DLGAP2: variants seen among roughly 807,000 people sequenced by gnomAD.
DLGAP2 encodes DLG associated protein 2, also known as disks large-associated protein 2.
A neutral mutation model predicts 100.3 loss-of-function variants in DLGAP2; 26 were observed. The observed-to-expected ratio is 0.26, with a 90% CI of 0.19 to 0.36. The LOEUF (loss-of-function observed/expected upper bound fraction) is 0.36, where lower values mean the gene tolerates loss of function less well. DLGAP2 is among the 10% of genes least tolerant of loss of function. The probability of loss-of-function intolerance (pLI) is 1.00; values close to 1 mark genes in which losing one functional copy is unlikely to be tolerated. For synonymous variants in DLGAP2, 886 were observed against 630.1 expected (o/e 1.41, Z -6.08); for missense variants, 1,858 against 1,453.2 (o/e 1.28, Z -4.53).
Position 1,039,816 on chromosome 8 carries a change from C to A in DLGAP2, c.73+131850C>A, listed in dbSNP as rs1279700532. Among the ~76,000 whole-genome samples the A allele has an allele frequency of 2.8e-5, 4 of 143,836 alleles. No homozygotes were observed. The South Asian group carries it at 9.1e-4, about 33-fold the overall frequency. The allele number at this position is 143,836 out of a possible 152,430, so 94.4% of individuals were successfully genotyped here. Reference sequence around the variant, plus strand: ...TTCAGCTCGGTTTCCGTGGTCGGCTCGGTGTGCATGGTCGGCTCGGTGTGC... The same window carrying A: ...TTCAGCTCGGTTTCCGTGGTCGGCTAGGTGTGCATGGTCGGCTCGGTGTGC... On this transcript the variant is annotated intron_variant, in intron 2 of 14. Coordinates refer to ENST00000637795, the MANE Select transcript of DLGAP2 (RefSeq NM_001346810.2).
chr8:1,241,093 C>T (rs1433052672), intron 2 of DLGAP2, among the ~76,000 whole-genome samples: 1 of 99,608 alleles, frequency 1.0e-5, no homozygotes, highest in African/African-American at 3.9e-5. Flanking sequence ...CTAGTTCTCT[C>T]ACATGGCGCC....
intron 5 of DLGAP2, among the ~76,000 whole-genome samples, chr8:1,562,933 G>A (rs1424333407): frequency 9.9e-6 from 1 of 100,694 alleles, no homozygotes; most frequent in Non-Finnish European, 2.0e-5. Context: ...TCGTTACTGC[G>A]GGGACTGTGC....
chr8:811,256 G>T (rs1375391677), intron 1 of DLGAP2, among the ~76,000 whole-genome samples: 1 of 152,268 alleles, frequency 6.6e-6, no homozygotes, highest in African/African-American at 2.4e-5. Context: ...GCTTCTAGGA[G>T]TGTGGATTGC....
At chr8:1,320,941 G>A (rs1237618794) in intron 3 of DLGAP2, among the ~76,000 whole-genome samples, 3 of 152,164 alleles carry the variant, frequency 2.0e-5, no homozygotes, top group African/African-American at 7.2e-5. Flanking sequence ...GTGTATACAT[G>A]TATCTGTGTG....
chr8:1,693,361 A>G (rs191179531), intron 13 of DLGAP2, among the ~76,000 whole-genome samples: 69 of 150,874 alleles, frequency 4.6e-4, no homozygotes, highest in African/African-American at 1.5e-3. Context: ...TATTTTATAT[A>G]TACTATATAT....
chr8:1,439,436 G>A (rs148528403), intron 3 of DLGAP2, among the ~76,000 whole-genome samples: 31 of 152,172 alleles, frequency 2.0e-4, no homozygotes, highest in African/African-American at 5.3e-4. Flanking sequence ...AGTTCCTCAC[G>A]GGAGCCCACG....
chr8:1,224,014 T>G (rs1402783277), intron 2 of DLGAP2, among the ~76,000 whole-genome samples: 1 of 152,212 alleles, frequency 6.6e-6, no homozygotes, highest in Non-Finnish European at 1.5e-5. Flanking sequence ...TGATGTGGAT[T>G]AATATGAAGG....
At chr8:1,312,468 A>T (rs1414667832) in intron 3 of DLGAP2, among the ~76,000 whole-genome samples, 1 of 152,188 alleles carries the variant, frequency 6.6e-6, no homozygotes, top group East Asian at 1.9e-4. Flanking sequence ...ATGTACAAAG[A>T]ACTCTTAAGC....
chr8:1,022,105 C>T (rs555032506), intron 2 of DLGAP2, among the ~76,000 whole-genome samples: 35 of 152,296 alleles, frequency 2.3e-4, no homozygotes, highest in African/African-American at 7.5e-4. Context: ...GCCCAGACAG[C>T]ACCCAATGCC....
chr8:1,690,703 C>CAAAAAAAAAAAAAA (rs71190752), intron 12 of DLGAP2, among the ~76,000 whole-genome samples: 32 of 62,068 alleles, frequency 5.2e-4, no homozygotes, highest in East Asian at 1.0e-3. Context: ...GACCCTATCT[C>CAAAAAAAAAAAAAA]AAAAAAAAAA....
At chr8:1,152,174 C>A (rs1441966055) in intron 2 of DLGAP2, among the ~76,000 whole-genome samples, 1 of 152,128 alleles carries the variant, frequency 6.6e-6, no homozygotes, top group Non-Finnish European at 1.5e-5. Flanking sequence ...ATCTATTTTG[C>A]TATGAGAGTG....
rs1237312311 is a variant in DLGAP2 at position 1,005,413 on chromosome 8, T to G, written c.73+97447T>G. On this transcript the variant is annotated intron_variant, in intron 2 of 14. Coordinates refer to ENST00000637795, the MANE Select transcript of DLGAP2 (RefSeq NM_001346810.2). ...TCAAAACAACTCCACTTGTTTTTTT[T>G]TTTTTTTTTTTTTGAGATGGGGTCT... 6.9e-5 allele frequency among the ~76,000 whole-genome samples: 10 copies of G among 144,348 alleles called. No homozygotes were observed. In the East Asian group the frequency reaches 1.4e-3, roughly 21 times the overall value. The allele number at this position is 144,348 out of a possible 152,430, so 94.7% of individuals were successfully genotyped here.
At chr8:952,978 A>G (rs559155822) in intron 2 of DLGAP2, among the ~76,000 whole-genome samples, 4 of 152,092 alleles carry the variant, frequency 2.6e-5, no homozygotes, top group East Asian at 3.8e-4. Context: ...TCTTTTGCTC[A>G]TACATGAGAT....
intron 2 of DLGAP2, among the ~76,000 whole-genome samples, chr8:1,001,110 C>A (rs1800943552): frequency 6.6e-6 from 1 of 152,210 alleles, no homozygotes; most frequent in African/African-American, 2.4e-5. Context: ...CCACTCTCTT[C>A]TTTTGATATA....
intron 1 of DLGAP2, among the ~76,000 whole-genome samples, chr8:797,066 C>G (rs937351628): frequency 5.3e-5 from 8 of 152,252 alleles, no homozygotes; most frequent in Admixed American, 1.3e-4. Flanking sequence ...GTTTTTTAAA[C>G]TTTTATTAAG....
At chr8:1,050,713 A>C (rs1467551221) in intron 2 of DLGAP2, among the ~76,000 whole-genome samples, 1 of 152,174 alleles carries the variant, frequency 6.6e-6, no homozygotes, top group Admixed American at 6.5e-5. Flanking sequence ...CACACGTAAC[A>C]CATTTTAAAG....
intron 1 of DLGAP2, among the ~76,000 whole-genome samples, chr8:747,569 T>C (rs1376297831): frequency 8.4e-6 from 1 of 119,250 alleles, no homozygotes; most frequent in Non-Finnish European, 1.7e-5. Context: ...GGTGGGGGGC[T>C]CTGCAGCAGT....
intron 2 of DLGAP2, among the ~76,000 whole-genome samples, chr8:967,174 T>C (rs10109770): frequency 0.41 from 62,179 of 152,228 alleles, 13,195 homozygotes; most frequent in Admixed American, 0.54. Flanking sequence ...TTTCACTGCC[T>C]GTGTCATGTG....
intron 3 of DLGAP2, among the ~76,000 whole-genome samples, chr8:1,487,343 G>C (rs1799258089): frequency 6.6e-6 from 1 of 152,154 alleles, no homozygotes; most frequent in Admixed American, 6.5e-5. Context: ...CTGAAAGTGG[G>C]TATTACAGAG....
Sources: allele counts gnomAD v4.1 joint callset (sites outside exome capture counted in the v4.1 genomes callset), GRCh38; gene constraint gnomAD v4.1.1; transcripts MANE v1.5; gene names NCBI Gene and HGNC (gene_info 2026-07-23, HGNC 2026-07-21).